The following NACC2 variants were observed in gnomAD, a reference collection of about 807,000 sequenced individuals.
NACC2 encodes the protein nucleus accumbens-associated protein 2.
A neutral mutation model predicts 25.1 loss-of-function variants in NACC2; 8 were observed. The ratio of observed to expected loss-of-function variants is 0.32; its 90% CI spans 0.19 to 0.57. The LOEUF is 0.57. NACC2 is among the 20% of genes least tolerant of loss of function. NACC2 has a pLI of 0.89. For synonymous variants in NACC2, 435 were observed against 294.7 expected, an observed-to-expected ratio of 1.48 and a Z score of -4.88; for missense variants, 644 against 650.2, an observed-to-expected ratio of 0.99 and a Z score of 0.10.
At position 136,007,086 on chromosome 9, in the gene NACC2, T is replaced by C. The variant is rs1442230881; in HGVS notation, c.*4430A>G. 1 of 153,958 alleles carries C rather than the reference T, an allele frequency of 6.5e-6. No individual in the cohort carries two copies. The highest frequency in any genetic ancestry group is 2.4e-5 in the African/African-American group (1 of 41,494). 9.5% of individuals were successfully genotyped at this position (153,958 alleles called of 1,614,324 possible). ...TATTTATACATTTTATACTTAGTTC[T>C]TTTTTTTGTCTGCTAAAAATAGTAT... On this transcript the variant is annotated 3_prime_UTR_variant, in exon 6 of 6. Coordinates refer to ENST00000277554, the MANE Select transcript of NACC2 (RefSeq NM_144653.5).
chr9:136,008,279 C>T lies in NACC2; in HGVS notation c.*3237G>A, dbSNP rs1435964703. 1 of 152,228 alleles carries T rather than the reference C, an allele frequency of 6.6e-6. No individual in the cohort carries two copies. Among genetic ancestry groups the T allele is most frequent in the Non-Finnish European group, 1.5e-5 (1 of 68,072 alleles). The allele number at this position is 152,228 out of a possible 1,614,324, so 9.4% of individuals were successfully genotyped here. ...GTCACACCTCCGGTCCCTCCTGGAC[C>T]TCTCCATGCAACCCAGCTGCCTCCT... On this transcript the variant is annotated 3_prime_UTR_variant, in exon 6 of 6. Transcript: ENST00000277554.
chr9:136,021,501 C>A (rs1840293278), intron 2 of NACC2, among the ~76,000 whole-genome samples: 1 of 152,216 alleles, frequency 6.6e-6, no homozygotes, highest in Non-Finnish European at 1.5e-5. Context: ...GTCCTGACCT[C>A]ACTGGGGAGA....
chr9:136,012,137 C>T, intron 5 of NACC2, 113 bp from the exon 6 acceptor site: 1 of 1,287,364 alleles, frequency 7.8e-7, no homozygotes, highest in Non-Finnish European at 1.0e-6. Context: ...GCTCCTGGGG[C>T]CCATGTGACC....
intron 5 of NACC2, among the ~76,000 whole-genome samples, chr9:136,012,230 C>A (rs1409914038): frequency 1.3e-5 from 2 of 152,262 alleles, no homozygotes; most frequent in Non-Finnish European, 2.9e-5. Flanking sequence ...CCACCCCATT[C>A]CTCTGGAACA....
At chr9:136,065,243 G>A (rs532767546) in intron 1 of NACC2, among the ~76,000 whole-genome samples, 3 of 152,310 alleles carry the variant, frequency 2.0e-5, no homozygotes, top group East Asian at 3.9e-4. Context: ...CCAACACTTT[G>A]GGAGGCTGAG....
chr9:136,014,031 G>A (rs1333757578), intron 3 of NACC2, 62 bp from the exon 4 acceptor site: 11 of 538,334 alleles, frequency 2.0e-5, no homozygotes, highest in Middle Eastern at 5.9e-4. Context: ...CCGAAGAGGC[G>A]CACAGATGGG....
Position 136,013,169 on chromosome 9 carries a change from C to CCCCCCCCCCCAAA in NACC2, c.1255+29_1255+30insTTTGGGGGGGGGG. 1 of 1,077,570 alleles carries CCCCCCCCCCCAAA rather than the reference C, an allele frequency of 9.3e-7. No individual in the cohort carries two copies. The highest frequency in any genetic ancestry group is 1.4e-6 in the Non-Finnish European group (1 of 700,004). The allele number at this position is 1,077,570 out of a possible 1,614,324, so 66.8% of individuals were successfully genotyped here. ...TGGGATCTGAACCCAGCCCCGGCCC[C>CCCCCCCCCCCAAA]ACCCACCCGAGAGACCCCCAGGCTC... On this transcript the variant is annotated intron_variant, in intron 5 of 5. Transcript: ENST00000277554. This position sits in a 1 kb window ranked among gnomAD's most constrained non-coding sequence, Gnocchi z 6.6.
At chr9:136,063,820 T>C (rs1406469949) in intron 1 of NACC2, among the ~76,000 whole-genome samples, 2 of 144,374 alleles carry the variant, frequency 1.4e-5, no homozygotes, top group Admixed American at 6.9e-5. Context: ...GAGGTGGAGG[T>C]TGCAGTGAGC....
At chr9:136,048,873 C>T (rs1356812538) in intron 2 of NACC2, among the ~76,000 whole-genome samples, 1 of 152,224 alleles carries the variant, frequency 6.6e-6, no homozygotes, top group Admixed American at 6.5e-5. Flanking sequence ...CCTCGGGGTC[C>T]ACCACCTGCC....
At chr9:136,061,314 C>A (rs936441891) in intron 1 of NACC2, among the ~76,000 whole-genome samples, 1 of 152,204 alleles carries the variant, frequency 6.6e-6, no homozygotes, top group African/African-American at 2.4e-5. Flanking sequence ...ACAGCAGGCT[C>A]TGCCCATGGC....
At chr9:136,021,191 A>C (rs571800819) in intron 2 of NACC2, among the ~76,000 whole-genome samples, 4 of 152,202 alleles carry the variant, frequency 2.6e-5, no homozygotes, top group Non-Finnish European at 5.9e-5. Context: ...ACAGTTAAAA[A>C]CCAACAATCC....
At chr9:136,079,219 G>A (rs768087637) in intron 1 of NACC2, among the ~76,000 whole-genome samples, 56 of 152,316 alleles carry the variant, frequency 3.7e-4, no homozygotes, top group Non-Finnish European at 6.6e-4. Context: ...TCCTCCCAGG[G>A]TGGGAACTGC....
chr9:136,023,185 G>A (rs1430339312), intron 2 of NACC2, among the ~76,000 whole-genome samples: 1 of 149,636 alleles, frequency 6.7e-6, no homozygotes, highest in Non-Finnish European at 1.5e-5. Flanking sequence ...AAACCCGGAT[G>A]GAAAGGGGCT....
chr9:136,047,644 G>A (rs1840750791), intron 2 of NACC2, among the ~76,000 whole-genome samples: 1 of 152,220 alleles, frequency 6.6e-6, no homozygotes, highest in Non-Finnish European at 1.5e-5. Context: ...ACCTCGTGTG[G>A]TCTGAGTACG....
In NACC2 at chr9:136,033,179, A is replaced by C. The variant is rs911996959; in HGVS notation, c.886+16457T>G. Reference sequence around the variant, plus strand: ...CAACAGAGTGAGACCCTGTCTCAAAAATAAAATAAAATAAAATAAAATAAA... The same window carrying C: ...CAACAGAGTGAGACCCTGTCTCAAACATAAAATAAAATAAAATAAAATAAA... On this transcript the variant is annotated intron_variant, in intron 2 of 5. Coordinates refer to ENST00000277554, the MANE Select transcript of NACC2 (RefSeq NM_144653.5). Among the ~76,000 whole-genome samples the C allele has an allele frequency of 2.0e-5, 3 of 151,946 alleles. No individual in the cohort carries two copies. In the East Asian group the frequency reaches 5.8e-4, roughly 29 times the overall value.
At chr9:136,069,707 CAAATA>C (rs1841128442) in intron 1 of NACC2, among the ~76,000 whole-genome samples, 3 of 151,712 alleles carry the variant, frequency 2.0e-5, no homozygotes, top group South Asian at 4.1e-4. Context: ...TATTTCAGAG[CAAATA>C]AAATTATCAG....
At chr9:136,082,310 A>G (rs971526380) in intron 1 of NACC2, among the ~76,000 whole-genome samples, 1 of 152,082 alleles carries the variant, frequency 6.6e-6, no homozygotes, top group African/African-American at 2.4e-5. Flanking sequence ...AGCAGAGGCC[A>G]CCCCAAGGCC....
intron 1 of NACC2, among the ~76,000 whole-genome samples, chr9:136,080,319 T>C (rs1405893599): frequency 2.6e-5 from 4 of 152,162 alleles, no homozygotes; most frequent in African/African-American, 7.2e-5. Context: ...CTACATGGGA[T>C]GCCACCTCTC....
Position 136,013,165 on chromosome 9 carries a change from G to GCCCCCCCCCCCC in NACC2, c.1255+33_1255+34insGGGGGGGGGGGG. The stretch of plus-strand genomic sequence containing the variant: ...AGGCTGGGATCTGAACCCAGCCCCG[G>GCCCCCCCCCCCC]CCCCACCCACCCGAGAGACCCCCAG... On this transcript the variant is annotated intron_variant, in intron 5 of 5. Transcript: ENST00000277554. This position sits in a 1 kb window ranked among gnomAD's most constrained non-coding sequence, Gnocchi z 6.6. The GCCCCCCCCCCCC allele has an allele frequency of 5.7e-6, 4 of 706,924 alleles. No individual in the cohort carries two copies. The highest frequency in any genetic ancestry group is 1.0e-5 in the Non-Finnish European group (4 of 391,556). 43.8% of individuals were successfully genotyped at this position (706,924 alleles called of 1,614,324 possible). A position where few individuals can be genotyped will look rare whatever the true frequency, so the allele number is the denominator to read the frequency against.
Sources: gnomAD v4.1 joint callset for allele counts (sites outside exome capture counted in the v4.1 genomes callset) on GRCh38, gnomAD v4.1.1 for gene constraint, Gnocchi (gnomAD v3.1) non-coding constraint, MANE v1.5 for transcripts, NCBI Gene and HGNC (gene_info 2026-07-23, HGNC 2026-07-21) for gene names.